APIP: variants seen among roughly 807,000 people sequenced by gnomAD.
The protein encoded by APIP is APAF1 interacting protein, also known as methylthioribulose-1-phosphate dehydratase.
A neutral mutation model predicts 32.0 loss-of-function variants in APIP; 32 were observed. The ratio of observed to expected loss-of-function variants is 1.00; its 90% CI spans 0.76 to 1.34. APIP has a LOEUF of 1.34. Ranked by LOEUF, APIP falls within the 40% of genes most tolerant of loss-of-function variation. The probability of loss-of-function intolerance (pLI) is 0.00; values close to 1 mark genes in which losing one functional copy is unlikely to be tolerated. For missense variants in APIP, 247 were observed against 298.6 expected (o/e 0.83, Z 1.27); for synonymous variants, 92 against 94.8 (o/e 0.97, Z 0.17).
chr11:34,893,873 T>A (rs960909682), intron 2 of APIP, among the ~76,000 whole-genome samples: 2 of 152,218 alleles, frequency 1.3e-5, no homozygotes, highest in African/African-American at 2.4e-5. Flanking sequence ...CAATGCAGCC[T>A]CCTTGGGGGC....
intron 1 of APIP, among the ~76,000 whole-genome samples, chr11:34,911,355 T>A (rs931011713): frequency 6.6e-6 from 1 of 152,148 alleles, no homozygotes; most frequent in Non-Finnish European, 1.5e-5. Context: ...ATTAAAAAAA[T>A]AGAAGTAGTC....
chr11:34,908,984 G>T (rs2956120), intron 1 of APIP, among the ~76,000 whole-genome samples: 121,367 of 152,082 alleles, frequency 0.8, 48,617 homozygotes, highest in East Asian at 0.83. Flanking sequence ...AGTCTGTTTT[G>T]GAAACATTTG....
At chr11:34,914,400 A>C (rs1853617231) in intron 1 of APIP, among the ~76,000 whole-genome samples, 1 of 152,184 alleles carries the variant, frequency 6.6e-6, no homozygotes, top group African/African-American at 2.4e-5. Flanking sequence ...GGCCAAAGAG[A>C]CTGTCTCTTT....
chr11:34,890,386 T>C, intron 3 of APIP, 118 bp downstream of exon 3: 2 of 910,528 alleles, frequency 2.2e-6, no homozygotes, highest in Non-Finnish European at 3.3e-6. Context: ...AAATGTTTGC[T>C]GATTAGTTAT....
chr11:34,914,984 A>G (rs956226816), intron 1 of APIP, among the ~76,000 whole-genome samples: 3 of 140,990 alleles, frequency 2.1e-5, no homozygotes, highest in Admixed American at 2.1e-4. Flanking sequence ...AGCCTGGGCA[A>G]CAAGAGCAAA....
chr11:34,883,351 C>G lies in APIP; in HGVS notation c.615G>C (p.Glu205Asp), dbSNP rs1478368553. The G allele has an allele frequency of 1.9e-6, 3 of 1,610,002 alleles. No homozygotes were observed. The highest frequency in any genetic ancestry group is 2.5e-6 in the Non-Finnish European group (3 of 1,178,638). ...TTTACACTCACATGGTTTTGGCCTTCTCCCATGTTTCCCCCCACACATATA... is the reference window on the plus strand; with the variant it reads ...TTTACACTCACATGGTTTTGGCCTTGTCCCATGTTTCCCCCCACACATATA... ...HGVYVWGETWEKAKTMCECYD... is the reference protein window; with the variant it reads ...HGVYVWGETWDKAKTMCECYD... The change falls in exon 6 of 7, where the codon GAG becomes GAC. Residue 205 changes from glutamate to aspartate, a missense_variant. Physicochemically the swap from Glu to Asp is conservative, Grantham distance 45. Transcript: ENST00000395787.
intron 1 of APIP, chr11:34,916,017 C>G: frequency 1.6e-6 from 1 of 627,788 alleles, no homozygotes; most frequent in South Asian, 2.1e-5. Flanking sequence ...GCCATCGGAG[C>G]GCCCCGCCCG....
rs1852983554 is a variant in APIP, at chr11:34,882,539, A to T, written c.*178T>A. On this transcript the variant is annotated 3_prime_UTR_variant, in exon 7 of 7. Transcript: ENST00000395787. ...TTTCACTGTGCCCTCATTTAAAATTATAAGAATATAAGCAAATAACATCCA... is the reference window on the plus strand; with the variant it reads ...TTTCACTGTGCCCTCATTTAAAATTTTAAGAATATAAGCAAATAACATCCA... 1 of 410,740 alleles carries T rather than the reference A, an allele frequency of 2.4e-6. No homozygotes were observed. Among genetic ancestry groups the T allele is most frequent in the Non-Finnish European group, 4.4e-6 (1 of 225,626 alleles). 25.4% of individuals were successfully genotyped at this position (410,740 alleles called of 1,614,324 possible).
At chr11:34,884,830 T>C (rs1853034274) in intron 5 of APIP, among the ~76,000 whole-genome samples, 1 of 152,100 alleles carries the variant, frequency 6.6e-6, no homozygotes, top group Admixed American at 6.5e-5. Flanking sequence ...TTCTCTAGCA[T>C]GCACTCAATA....
At chr11:34,900,194 C>A (rs773042125) in intron 1 of APIP, among the ~76,000 whole-genome samples, 1 of 152,224 alleles carries the variant, frequency 6.6e-6, no homozygotes, top group African/African-American at 2.4e-5. Context: ...CAGACCTTTA[C>A]AAGTCCTGGA....
chr11:34,909,274 C>T (rs1182899237), intron 1 of APIP, among the ~76,000 whole-genome samples: 1 of 152,022 alleles, frequency 6.6e-6, no homozygotes, highest in Non-Finnish European at 1.5e-5. Flanking sequence ...CTCTTCTAGG[C>T]CCTGGGAATT....
At chr11:34,896,841 T>C (rs1853281261) in intron 1 of APIP, 1 of 1,282,712 alleles carries the variant, frequency 7.8e-7, no homozygotes, top group Non-Finnish European at 1.0e-6. Flanking sequence ...TCAATTTTGA[T>C]AGCCATGTAA....
Position 34,916,023 on chromosome 11 carries a change from G to T in APIP, c.57+205C>A, listed in dbSNP as rs1853673351. The T allele has an allele frequency of 4.6e-6, 3 of 649,702 alleles. No individual in the cohort carries two copies. The East Asian group carries it at 9.0e-5, about 19-fold the overall frequency. The allele number at this position is 649,702 out of a possible 1,614,324, so 40.2% of individuals were successfully genotyped here. Reference sequence around the variant, plus strand: ...CCAGCTCCCGCCATCGGAGCGCCCCGCCCGAGACCACTGATCTCCTGGGGC... The same window carrying T: ...CCAGCTCCCGCCATCGGAGCGCCCCTCCCGAGACCACTGATCTCCTGGGGC... On this transcript the variant is annotated intron_variant, in intron 1 of 6. Transcript: ENST00000395787.
Position 34,882,804 on chromosome 11 carries a change from A to G in APIP, c.642T>C (p.Tyr214=), listed in dbSNP as rs61734593. The change falls in exon 7 of 7, where the codon TAT becomes TAC. Residue 214 remains tyrosine (Y), a synonymous_variant. Coordinates refer to ENST00000395787, the MANE Select transcript of APIP (RefSeq NM_015957.4). ...WEKAKTMCEC[Y]DYLFDIAVSM... The stretch of plus-strand genomic sequence containing the variant: ...ATACGGCAATATCAAATAAATAGTC[A>G]TAACACTCACACCTGTAAAAGAAAA... 2.0e-3 allele frequency: 3,270 copies of G among 1,606,598 alleles called. 57 individuals are homozygous for G. In the African/African-American group the frequency reaches 0.04, roughly 20 times the overall value.
chr11:34,889,795 T>C (rs10768103), intron 3 of APIP, among the ~76,000 whole-genome samples: 91,232 of 151,900 alleles, frequency 0.6, 28,433 homozygotes, highest in East Asian at 0.74. Flanking sequence ...TCCACTCATG[T>C]TGCTGCAAAG....
At chr11:34,890,872 C>T (rs894534443) in intron 2 of APIP, 2 of 182,752 alleles carry the variant, frequency 1.1e-5, no homozygotes, top group African/African-American at 2.4e-5. Flanking sequence ...AAGTTTTCAG[C>T]GTCTTTAAAC....
chr11:34,910,266 G>A (rs536734777), intron 1 of APIP, among the ~76,000 whole-genome samples: 1 of 152,308 alleles, frequency 6.6e-6, no homozygotes, highest in South Asian at 2.1e-4. Flanking sequence ...GGTCAACCAC[G>A]ACCTTAAGTA....
At chr11:34,894,386 T>C (rs914837554) in intron 2 of APIP, among the ~76,000 whole-genome samples, 5 of 146,378 alleles carry the variant, frequency 3.4e-5, no homozygotes, top group East Asian at 4.0e-4. Flanking sequence ...GAAATATGTA[T>C]CTGGGAGGTC....
chr11:34,887,706 A>C (rs554439754), intron 5 of APIP, among the ~76,000 whole-genome samples: 1 of 152,284 alleles, frequency 6.6e-6, no homozygotes, highest in South Asian at 2.1e-4. Context: ...CACTGAGAAC[A>C]TGTTTCTTCC....
Sources: allele counts gnomAD v4.1 joint callset (sites outside exome capture counted in the v4.1 genomes callset), GRCh38; gene constraint gnomAD v4.1.1; transcripts MANE v1.5; gene names NCBI Gene and HGNC (gene_info 2026-07-23, HGNC 2026-07-21).